Variants in AP1M1 observed in about 807,000 individuals in gnomAD.
AP1M1 encodes adaptor related protein complex 1 subunit mu 1, also known as AP-1 complex subunit mu-1.
A neutral mutation model predicts 57.1 loss-of-function variants in AP1M1; 18 were observed. The ratio of observed to expected loss-of-function variants is 0.32; its 90% CI spans 0.22 to 0.47. The LOEUF (loss-of-function observed/expected upper bound fraction) is 0.47, where lower values mean the gene tolerates loss of function less well. Among genes scored for constraint, AP1M1 ranks in the 20% least tolerant of loss-of-function variants. The probability of loss-of-function intolerance (pLI) is 1.00; values close to 1 mark genes in which losing one functional copy is unlikely to be tolerated. For synonymous variants in AP1M1, 241 were observed against 237.9 expected (o/e 1.01, Z -0.12); for missense variants, 362 against 593.5 (o/e 0.61, Z 4.05).
chr19:16,239,192 C>G lies in AP1M1; in HGVS notation c.*4757C>G, dbSNP rs1170981079. The G allele has an allele frequency of 6.7e-6, 1 of 148,150 alleles. No individual in the cohort carries two copies. Among genetic ancestry groups the G allele is most frequent in the African/African-American group, 2.5e-5 (1 of 39,868 alleles). 9.2% of individuals were successfully genotyped at this position (148,150 alleles called of 1,614,324 possible). ...AGGTGATCCGCCCCCCTCACCTTCC[C>G]AAAGTGCTGGGATTACAGGCATGAG... On this transcript the variant is annotated 3_prime_UTR_variant, in exon 12 of 12. Coordinates refer to ENST00000291439, the MANE Select transcript of AP1M1 (RefSeq NM_032493.4).
Position 16,198,075 on chromosome 19 carries a change from A to C in AP1M1, c.42+7A>C. On this transcript the variant is annotated splice_region_variant and intron_variant, in intron 1 of 11. Coordinates refer to ENST00000291439, the MANE Select transcript of AP1M1 (RefSeq NM_032493.4). ...GCTGGACCTGAAGGGCAAGGTACTG[A>C]GGGCTCCCCACCCTCCCTGTTGCCA... 1 of 1,598,978 alleles carries C rather than the reference A, an allele frequency of 6.3e-7. No individual in the cohort carries two copies. Among genetic ancestry groups the C allele is most frequent in the South Asian group, 1.1e-5 (1 of 89,684 alleles).
At chr19:16,229,318 C>T (rs1277770475) in intron 9 of AP1M1, among the ~76,000 whole-genome samples, 3 of 152,238 alleles carry the variant, frequency 2.0e-5, no homozygotes, top group Admixed American at 6.5e-5. Context: ...TGCCTGCCAT[C>T]AAGGGGAACG....
intron 2 of AP1M1, among the ~76,000 whole-genome samples, chr19:16,204,958 G>GAA (rs398071156): frequency 1.3e-5 from 2 of 150,596 alleles, no homozygotes; most frequent in Non-Finnish European, 1.5e-5. Context: ...AGCCTCCCGA[G>GAA]TAGCTGGGAC....
At chr19:16,216,211 C>T (rs139839274) in intron 5 of AP1M1, among the ~76,000 whole-genome samples, 128 of 152,168 alleles carry the variant, frequency 8.4e-4, no homozygotes, top group African/African-American at 2.7e-3. Context: ...TTTGGGAGGC[C>T]AAGGTGGGCG....
chr19:16,197,975 T>TCGCTGCCGCCTCCACCGCCCTCGGC lies in AP1M1; in HGVS notation c.-42_-41insTCCACCGCCCTCGGCCGCTGCCGCC. On this transcript the variant is annotated 5_prime_UTR_variant, in exon 1 of 12. Transcript: ENST00000291439. ...GCTCAACGCCCAGCAGTCCCCACCG[T>TCGCTGCCGCCTCCACCGCCCTCGGC]CGCTGCCGCCGCCACCGCCCTCGGC... The TCGCTGCCGCCTCCACCGCCCTCGGC allele has an allele frequency of 6.9e-7, 1 of 1,451,818 alleles. No individual in the cohort carries two copies. The highest frequency in any genetic ancestry group is 9.2e-7 in the Non-Finnish European group (1 of 1,087,932). The allele number at this position is 1,451,818 out of a possible 1,614,324, so 89.9% of individuals were successfully genotyped here.
chr19:16,209,896 C>T (rs1020457735), intron 5 of AP1M1, among the ~76,000 whole-genome samples: 10 of 152,006 alleles, frequency 6.6e-5, no homozygotes, highest in Non-Finnish European at 1.0e-4. Flanking sequence ...TGAATTTTAG[C>T]GCTTGTACAG....
chr19:16,234,616 C>T lies in AP1M1; in HGVS notation c.*181C>T, dbSNP rs2091616421. The stretch of plus-strand genomic sequence containing the variant: ...CTGCCGTCGACACTCGTCTCAGAAG[C>T]CCCTTTCCCAGAAGAGGCTGGTCTT... On this transcript the variant is annotated 3_prime_UTR_variant, in exon 12 of 12. Transcript: ENST00000291439. 2.9e-6 allele frequency: 2 copies of T among 689,360 alleles called. No individual in the cohort carries two copies. The highest frequency in any genetic ancestry group is 5.6e-5 in the Admixed American group (2 of 35,870). The allele number at this position is 689,360 out of a possible 1,614,324, so 42.7% of individuals were successfully genotyped here.
rs2091632480 is a variant in AP1M1 at position 16,238,232 on chromosome 19, C to G, written c.*3797C>G. On this transcript the variant is annotated 3_prime_UTR_variant, in exon 12 of 12. Transcript: ENST00000291439. ...TCATCTTTATGCCAGAATTCTCTTG[C>G]AGAACTCTAGTTGAGAAAAGCCCTG... 1 of 152,234 alleles carries G rather than the reference C, an allele frequency of 6.6e-6. No individual in the cohort carries two copies. Among genetic ancestry groups the G allele is most frequent in the African/African-American group, 2.4e-5 (1 of 41,464 alleles). 9.4% of individuals were successfully genotyped at this position (152,234 alleles called of 1,614,324 possible).
At chr19:16,213,864 C>T (rs1031514116) in intron 5 of AP1M1, among the ~76,000 whole-genome samples, 1 of 152,134 alleles carries the variant, frequency 6.6e-6, no homozygotes, top group Non-Finnish European at 1.5e-5. Flanking sequence ...CACTCTATGC[C>T]TTTTAATTGG....
At chr19:16,214,327 G>A (rs935561626) in intron 5 of AP1M1, among the ~76,000 whole-genome samples, 6 of 148,270 alleles carry the variant, frequency 4.0e-5, no homozygotes, top group African/African-American at 1.2e-4. Flanking sequence ...AAAGTGCTGG[G>A]ATTACAGGCG....
intron 1 of AP1M1, among the ~76,000 whole-genome samples, chr19:16,202,766 G>A (rs1295041439): frequency 6.6e-6 from 1 of 152,200 alleles, no homozygotes; most frequent in Non-Finnish European, 1.5e-5. Flanking sequence ...GTCTGGGTCT[G>A]TTTCAATTAA....
rs2091637077 is a variant in AP1M1, at chr19:16,239,307, T to C, written c.*4872T>C. Reference sequence around the variant, plus strand: ...GACTGCAAAGCTGGGCATGGTAGTATGCACCTGTAGTCCCAACTACTTGGG... The same window carrying C: ...GACTGCAAAGCTGGGCATGGTAGTACGCACCTGTAGTCCCAACTACTTGGG... On this transcript the variant is annotated 3_prime_UTR_variant, in exon 12 of 12. Coordinates refer to ENST00000291439, the MANE Select transcript of AP1M1 (RefSeq NM_032493.4). 1 of 137,458 alleles carries C rather than the reference T, an allele frequency of 7.3e-6. No individual in the cohort carries two copies. The highest frequency in any genetic ancestry group is 2.4e-4 in the South Asian group (1 of 4,136). 8.5% of individuals were successfully genotyped at this position (137,458 alleles called of 1,614,324 possible).
chr19:16,225,075 G>A (rs946722042), intron 5 of AP1M1, among the ~76,000 whole-genome samples: 1 of 152,178 alleles, frequency 6.6e-6, no homozygotes, highest in Non-Finnish European at 1.5e-5. Flanking sequence ...GTGAGGCTGG[G>A]GAAGGTGACA....
Position 16,197,940 on chromosome 19 carries a change from G to A in AP1M1, c.-87G>A, listed in dbSNP as rs1050892035. The A allele has an allele frequency of 7.9e-7, 1 of 1,259,060 alleles. No individual in the cohort carries two copies. The highest frequency in any genetic ancestry group is 1.1e-6 in the Non-Finnish European group (1 of 931,710). The allele number at this position is 1,259,060 out of a possible 1,614,324, so 78.0% of individuals were successfully genotyped here. A position where few individuals can be genotyped will look rare whatever the true frequency, so the allele number is the denominator to read the frequency against. On this transcript the variant is annotated 5_prime_UTR_variant, in exon 1 of 12. Coordinates refer to ENST00000291439, the MANE Select transcript of AP1M1 (RefSeq NM_032493.4). The stretch of plus-strand genomic sequence containing the variant: ...GTGGAGGTGAGCTGTCGCGGGCGGC[G>A]CCCGGCCTTGCTCAACGCCCAGCAG...
chr19:16,222,353 G>C (rs1020215836), intron 5 of AP1M1, among the ~76,000 whole-genome samples: 1 of 151,416 alleles, frequency 6.6e-6, no homozygotes, highest in African/African-American at 2.4e-5. Flanking sequence ...GACTACAGGT[G>C]TGCACCACCA....
chr19:16,203,352 C>T lies in AP1M1; in HGVS notation c.43-107C>T, dbSNP rs578029487. The T allele has an allele frequency of 9.5e-6, 11 of 1,159,206 alleles. No individual in the cohort carries two copies. Among genetic ancestry groups the T allele is most frequent in the Admixed American group, 7.8e-5 (4 of 51,152 alleles). The allele number at this position is 1,159,206 out of a possible 1,614,324, so 71.8% of individuals were successfully genotyped here. A position where few individuals can be genotyped will look rare whatever the true frequency, so the allele number is the denominator to read the frequency against. On this transcript the variant is annotated intron_variant, in intron 1 of 11. Coordinates refer to ENST00000291439, the MANE Select transcript of AP1M1 (RefSeq NM_032493.4). The surrounding 1 kb of genome is among the most constrained non-coding windows in gnomAD (Gnocchi z 4.6). ...CTCTTTTGCGGATAGTGGCCATGAC[C>T]GGAGTCCCCAGAGCGAAGCAGGGTG...
At chr19:16,229,020 G>A (rs1466032225) in intron 9 of AP1M1, 92 bp downstream of exon 9, 1 of 1,439,608 alleles carries the variant, frequency 6.9e-7, no homozygotes, top group East Asian at 2.4e-5. Context: ...CTCAAGATGG[G>A]GTGACAGTGG....
chr19:16,222,202 A>ATT (rs1406563931), intron 5 of AP1M1, among the ~76,000 whole-genome samples: 65 of 57,582 alleles, frequency 1.1e-3, no homozygotes, highest in African/African-American at 2.9e-3. Flanking sequence ...TATTACTATT[A>ATT]TTATTATTAT....
chr19:16,233,690 A>C, intron 10 of AP1M1, 72 bp downstream of exon 10: 2 of 1,514,638 alleles, frequency 1.3e-6, no homozygotes, highest in South Asian at 2.5e-5. Flanking sequence ...CAATGCAGCC[A>C]GCTTGGGAAA....
Sources: allele counts gnomAD v4.1 joint callset (sites outside exome capture counted in the v4.1 genomes callset), GRCh38; gene constraint gnomAD v4.1.1; non-coding constraint Gnocchi (gnomAD v3.1); transcripts MANE v1.5; gene names NCBI Gene and HGNC (gene_info 2026-07-23, HGNC 2026-07-21).